ERLIN1: variants seen among roughly 807,000 people sequenced by gnomAD.
The protein encoded by ERLIN1 is erlin-1.
A neutral mutation model predicts 46.9 loss-of-function variants in ERLIN1; 24 were observed. That is an observed-to-expected ratio of 0.51 (90% confidence interval 0.37 to 0.72). ERLIN1 has a LOEUF of 0.72. Among genes scored for constraint, ERLIN1 ranks in the 30% least tolerant of loss-of-function variants. The probability of loss-of-function intolerance (pLI) is 0.00; values close to 1 mark genes in which losing one functional copy is unlikely to be tolerated. For missense variants in ERLIN1, 293 were observed against 417.9 expected (o/e 0.70, Z 2.61); for synonymous variants, 158 against 143.2 (o/e 1.10, Z -0.74).
At chr10:100,180,119 C>T (rs975261816) in intron 2 of ERLIN1, among the ~76,000 whole-genome samples, 2 of 152,168 alleles carry the variant, frequency 1.3e-5, no homozygotes, top group African/African-American at 4.8e-5. Flanking sequence ...AGTGCTACCA[C>T]CAGTACTGCT....
chr10:100,185,634 C>T lies in ERLIN1; in HGVS notation c.-8G>A, dbSNP rs1044910727. On this transcript the variant is annotated 5_prime_UTR_variant, in exon 1 of 11. Coordinates refer to ENST00000421367, the MANE Select transcript of ERLIN1 (RefSeq NM_006459.4). ...GGCTTGAGTCATATTCATTCTCGTTCCTCCTGGGAGCGGGAGAAAAGGACC... is the reference window on the plus strand; with the variant it reads ...GGCTTGAGTCATATTCATTCTCGTTTCTCCTGGGAGCGGGAGAAAAGGACC... 1.1e-5 allele frequency: 18 copies of T among 1,612,502 alleles called. No homozygotes were observed. Among genetic ancestry groups the T allele is most frequent in the Admixed American group, 1.7e-5 (1 of 60,012 alleles).
chr10:100,161,011 T>C (rs117629127), intron 8 of ERLIN1, among the ~76,000 whole-genome samples: 4,098 of 152,290 alleles, frequency 0.027, 77 homozygotes, highest in Middle Eastern at 0.054. Context: ...AAGTACAGAT[T>C]GAAACTTTAT....
At chr10:100,156,121 C>T (rs1182580928) in intron 9 of ERLIN1, 24 bp downstream of exon 9, 5 of 1,507,822 alleles carry the variant, frequency 3.3e-6, no homozygotes, top group Non-Finnish European at 4.6e-6. Context: ...ACAGGCAGAG[C>T]TTCATCCTCT....
At chr10:100,174,883 T>G (rs1022294210) in intron 5 of ERLIN1, among the ~76,000 whole-genome samples, 1 of 152,206 alleles carries the variant, frequency 6.6e-6, no homozygotes, top group Non-Finnish European at 1.5e-5. Context: ...CTATGCACTT[T>G]CTATTCACCT....
chr10:100,175,033 C>G (rs540406196), intron 5 of ERLIN1, among the ~76,000 whole-genome samples: 1 of 152,318 alleles, frequency 6.6e-6, no homozygotes, highest in African/African-American at 2.4e-5. Context: ...CTTGCTTATT[C>G]CTTCATCTTA....
At position 100,154,748 on chromosome 10, in the gene ERLIN1, A is replaced by T. The variant is rs1842984714; in HGVS notation, c.825+112T>A. The stretch of plus-strand genomic sequence containing the variant: ...ACTAATTCTGGAGGATGTCTTGGTC[A>T]CTACACTTTCTTGACAATGGATAAA... On this transcript the variant is annotated intron_variant, in intron 10 of 10. Coordinates refer to ENST00000421367, the MANE Select transcript of ERLIN1 (RefSeq NM_006459.4). 5 of 812,326 alleles carry T rather than the reference A, an allele frequency of 6.2e-6. No homozygotes were observed. The Admixed American group carries it at 9.3e-5, about 15-fold the overall frequency. The allele number at this position is 812,326 out of a possible 1,614,324, so 50.3% of individuals were successfully genotyped here. A position where few individuals can be genotyped will look rare whatever the true frequency, so the allele number is the denominator to read the frequency against.
chr10:100,183,701 A>AC, intron 2 of ERLIN1, 55 bp downstream of exon 2: 3 of 1,161,248 alleles, frequency 2.6e-6, no homozygotes, highest in Non-Finnish European at 3.8e-6. Flanking sequence ...CAAGTGTGGT[A>AC]ACTCCTGTCA....
At chr10:100,174,307 A>T in intron 5 of ERLIN1, 26 bp from the exon 6 acceptor site, 1 of 1,509,740 alleles carries the variant, frequency 6.6e-7, no homozygotes, top group Non-Finnish European at 9.0e-7. Context: ...AGAACAACAG[A>T]TCTCATGATA....
chr10:100,182,202 T>A (rs1049666018), intron 2 of ERLIN1, among the ~76,000 whole-genome samples: 1 of 151,246 alleles, frequency 6.6e-6, no homozygotes, highest in African/African-American at 2.4e-5. Context: ...TTTTTTTTTT[T>A]TTTTTTTTTA....
chr10:100,183,723 C>A, intron 2 of ERLIN1, 33 bp downstream of exon 2: 1 of 1,456,702 alleles, frequency 6.9e-7, no homozygotes, highest in Non-Finnish European at 9.6e-7. Flanking sequence ...GCCTGTCTAT[C>A]TGGTATGGAG....
At position 100,186,013 on chromosome 10, in the gene ERLIN1, A is replaced by AGCCAACCGCC. The variant is rs1225402196; in HGVS notation, c.-397_-388dup. 5 of 418,050 alleles carry AGCCAACCGCC rather than the reference A, an allele frequency of 1.2e-5. No individual in the cohort carries two copies. The Admixed American group carries it at 1.3e-4, about 11-fold the overall frequency. The allele number at this position is 418,050 out of a possible 1,614,324, so 25.9% of individuals were successfully genotyped here. A position where few individuals can be genotyped will look rare whatever the true frequency, so the allele number is the denominator to read the frequency against. ...GCACGTGCAGCCGACTCCCGCGCCGAGCCAACCGCCGCCAACAGCCGGCCC... is the reference window on the plus strand; with the variant it reads ...GCACGTGCAGCCGACTCCCGCGCCGAGCCAACCGCCGCCAACCGCCGCCAACAGCCGGCCC... On this transcript the variant is annotated 5_prime_UTR_variant, in exon 1 of 11. Transcript: ENST00000421367.
At chr10:100,166,586 C>T (rs150225580) in intron 7 of ERLIN1, among the ~76,000 whole-genome samples, 311 of 152,310 alleles carry the variant, frequency 2.0e-3, no homozygotes, top group African/African-American at 7.3e-3. Flanking sequence ...AGTATTACTG[C>T]TCCTTGGACT....
At chr10:100,165,545 C>A (rs907343305) in intron 7 of ERLIN1, among the ~76,000 whole-genome samples, 1 of 151,486 alleles carries the variant, frequency 6.6e-6, no homozygotes, top group East Asian at 1.9e-4. Context: ...CACCACCATG[C>A]CTGGCTAATT....
chr10:100,185,843 G>A lies in ERLIN1; in HGVS notation c.-217C>T. The A allele has an allele frequency of 1.7e-6, 1 of 573,018 alleles. No homozygotes were observed. Among genetic ancestry groups the A allele is most frequent in the Non-Finnish European group, 3.1e-6 (1 of 321,164 alleles). The allele number at this position is 573,018 out of a possible 1,614,324, so 35.5% of individuals were successfully genotyped here. A position where few individuals can be genotyped will look rare whatever the true frequency, so the allele number is the denominator to read the frequency against. On this transcript the variant is annotated 5_prime_UTR_variant, in exon 1 of 11. Transcript: ENST00000421367. Reference sequence around the variant, plus strand: ...CCCCGGAGGCCAGTGGGCCGCCCCTGCTCGGTGAGCTTCCTGAAACTCCCT... The same window carrying A: ...CCCCGGAGGCCAGTGGGCCGCCCCTACTCGGTGAGCTTCCTGAAACTCCCT...
intron 1 of ERLIN1, among the ~76,000 whole-genome samples, chr10:100,185,181 T>C (rs1254473883): frequency 1.3e-5 from 2 of 152,172 alleles, no homozygotes; most frequent in Non-Finnish European, 2.9e-5. Flanking sequence ...CTAAAGCCTG[T>C]ACAGTTGAAC....
At chr10:100,181,414 G>A (rs200857491) in intron 2 of ERLIN1, among the ~76,000 whole-genome samples, 124 of 151,170 alleles carry the variant, frequency 8.2e-4, no homozygotes, top group Middle Eastern at 6.8e-3. Flanking sequence ...CCTTTCAATT[G>A]CCAAGTTTGT....
intron 5 of ERLIN1, among the ~76,000 whole-genome samples, chr10:100,175,078 G>A (rs1844213832): frequency 6.6e-6 from 1 of 152,194 alleles, no homozygotes; most frequent in Non-Finnish European, 1.5e-5. Flanking sequence ...GGAAAAGTGA[G>A]CTACCAACAG....
Position 100,151,771 on chromosome 10 carries a change from G to T in ERLIN1, c.*360C>A. The stretch of plus-strand genomic sequence containing the variant: ...ATGGTGGCTGAGCATACATTTCCCC[G>T]GGGGACGAATGTAAACATTATTCAA... On this transcript the variant is annotated 3_prime_UTR_variant, in exon 11 of 11. Coordinates refer to ENST00000421367, the MANE Select transcript of ERLIN1 (RefSeq NM_006459.4). 1 of 324,462 alleles carries T rather than the reference G, an allele frequency of 3.1e-6. No individual in the cohort carries two copies. Among genetic ancestry groups the T allele is most frequent in the South Asian group, 2.7e-5 (1 of 37,154 alleles). The allele number at this position is 324,462 out of a possible 1,614,324, so 20.1% of individuals were successfully genotyped here.
intron 7 of ERLIN1, among the ~76,000 whole-genome samples, chr10:100,165,657 G>A (rs1471996687): frequency 2.0e-5 from 3 of 152,122 alleles, no homozygotes; most frequent in East Asian, 1.9e-4. Context: ...AAAGTGCTGG[G>A]ATTACAGGCA....
Sources: gnomAD v4.1 joint callset for allele counts (sites outside exome capture counted in the v4.1 genomes callset) on GRCh38, gnomAD v4.1.1 for gene constraint, MANE v1.5 for transcripts, NCBI Gene and HGNC (gene_info 2026-07-23, HGNC 2026-07-21) for gene names.